TECRL: variants seen among roughly 807,000 people sequenced by gnomAD.
TECRL encodes the protein trans-2,3-enoyl-CoA reductase-like.
Under a neutral mutation model 52.8 loss-of-function variants are expected in TECRL, and 63 were observed. That is an observed-to-expected ratio of 1.19 (90% CI 0.97 to 1.47). The LOEUF is 1.47. Among genes scored for constraint, TECRL ranks in the 40% most tolerant of loss-of-function variants. The pLI is 0.00. For missense variants in TECRL, 482 were observed against 429.6 expected (o/e 1.12, Z -1.08); for synonymous variants, 164 against 141.9 (o/e 1.16, Z -1.10).
chr4:64,372,742 T>C (rs1722063683), intron 2 of TECRL, among the ~76,000 whole-genome samples: 1 of 151,564 alleles, frequency 6.6e-6, no homozygotes, highest in Non-Finnish European at 1.5e-5. Context: ...TAATGTCTTC[T>C]GATAACATAT....
At chr4:64,399,214 G>C (rs991112924) in intron 1 of TECRL, among the ~76,000 whole-genome samples, 1 of 152,048 alleles carries the variant, frequency 6.6e-6, no homozygotes, top group Admixed American at 6.6e-5. Flanking sequence ...GGACACCTCT[G>C]GTTGTGGAAT....
intron 5 of TECRL, among the ~76,000 whole-genome samples, chr4:64,312,789 T>G (rs1344367554): frequency 6.6e-6 from 1 of 151,046 alleles, no homozygotes; most frequent in African/African-American, 2.4e-5. Context: ...AATGTAAATA[T>G]GAGTCAATTC....
chr4:64,385,147 C>T (rs1056388124), intron 1 of TECRL, among the ~76,000 whole-genome samples: 2 of 152,102 alleles, frequency 1.3e-5, no homozygotes, highest in Non-Finnish European at 2.9e-5. Context: ...GCTGGTGGCT[C>T]TGGTGACCAG....
At chr4:64,296,513 T>C (rs1723690484) in intron 8 of TECRL, among the ~76,000 whole-genome samples, 1 of 151,800 alleles carries the variant, frequency 6.6e-6, no homozygotes, top group Non-Finnish European at 1.5e-5. Flanking sequence ...GTAAGCCATA[T>C]CTTATATGCT....
At chr4:64,305,375 T>C in intron 6 of TECRL, 137 bp from the exon 7 acceptor site, 1 of 668,422 alleles carries the variant, frequency 1.5e-6, no homozygotes, top group Non-Finnish European at 2.5e-6. Context: ...GCAGCATTTA[T>C]ATGTAAAATG....
At chr4:64,342,040 A>G (rs1359315218) in intron 2 of TECRL, among the ~76,000 whole-genome samples, 1 of 152,122 alleles carries the variant, frequency 6.6e-6, no homozygotes, top group Non-Finnish European at 1.5e-5. Context: ...GAGTGGGCAG[A>G]ATGAGCCCAG....
chr4:64,307,599 T>G (rs2109992664), intron 6 of TECRL, among the ~76,000 whole-genome samples: 1 of 152,266 alleles, frequency 6.6e-6, no homozygotes, highest in Admixed American at 6.5e-5. Context: ...ACAATCCATC[T>G]TCAGCCTGCA....
At chr4:64,291,535 TAA>T (rs925682418) in intron 8 of TECRL, among the ~76,000 whole-genome samples, 3 of 151,906 alleles carry the variant, frequency 2.0e-5, no homozygotes, top group Non-Finnish European at 2.9e-5. Flanking sequence ...TGTGAAAAAA[TAA>T]GTTTTAGAAA....
Position 64,406,285 on chromosome 4 carries a change from C to G in TECRL, c.234+2833G>C, listed in dbSNP as rs187590363. ...GAATATTTTGAGTCTATACTTTGTC[C>G]ATTTTAAAGTTTGAGTAATAGACAT... is the stretch of plus-strand genomic sequence containing the variant. On this transcript the variant is annotated intron_variant, in intron 1 of 11. Coordinates refer to ENST00000381210, the MANE Select transcript of TECRL (RefSeq NM_001010874.5). Among the ~76,000 whole-genome samples, 536 of 151,596 alleles carry G rather than the reference C, an allele frequency of 3.5e-3. 5 individuals carry two copies. Among genetic ancestry groups the G allele is most frequent in the African/African-American group, 0.012 (503 of 41,404 alleles).
chr4:64,380,659 G>T (rs1722725255), intron 1 of TECRL, among the ~76,000 whole-genome samples: 1 of 151,934 alleles, frequency 6.6e-6, no homozygotes, highest in Admixed American at 6.6e-5. Flanking sequence ...TAAAGAAGTT[G>T]TCTTTTCTTC....
intron 2 of TECRL, among the ~76,000 whole-genome samples, chr4:64,356,702 G>T (rs569847812): frequency 2.2e-4 from 34 of 152,188 alleles, no homozygotes; most frequent in African/African-American, 7.5e-4. Context: ...AAAAACTGAG[G>T]GAACTCAGAG....
intron 5 of TECRL, among the ~76,000 whole-genome samples, chr4:64,312,696 A>C (rs1277209314): frequency 1.3e-5 from 2 of 151,240 alleles, no homozygotes; most frequent in Non-Finnish European, 2.9e-5. Flanking sequence ...AGCCCTGAAG[A>C]GTGAGGCTGC....
At position 64,324,633 on chromosome 4, in the gene TECRL, A is replaced by C. The variant is rs189450448; in HGVS notation, c.332-1841T>G. Among the ~76,000 whole-genome samples, 234 of 152,258 alleles carry C rather than the reference A, an allele frequency of 1.5e-3. 1 individual carries two copies. The highest frequency in any genetic ancestry group is 5.4e-3 in the African/African-American group (226 of 41,570). On this transcript the variant is annotated intron_variant, in intron 3 of 11. Coordinates refer to ENST00000381210, the MANE Select transcript of TECRL (RefSeq NM_001010874.5). ...TATTACATTTGAAGGCAGAAATTTG[A>C]TAAATCCACTTTTAACAGCCAGATA...
At chr4:64,404,238 A>T (rs1578004517) in intron 1 of TECRL, among the ~76,000 whole-genome samples, 1 of 149,290 alleles carries the variant, frequency 6.7e-6, no homozygotes, top group African/African-American at 2.5e-5. Context: ...AAAAAAAAAC[A>T]ATAGGAGAAA....
At chr4:64,290,515 A>C (rs1723320782) in intron 8 of TECRL, among the ~76,000 whole-genome samples, 1 of 152,158 alleles carries the variant, frequency 6.6e-6, no homozygotes, top group African/African-American at 2.4e-5. Flanking sequence ...TTATTGTTTG[A>C]AGTCATTCAA....
intron 2 of TECRL, among the ~76,000 whole-genome samples, chr4:64,339,413 C>G (rs952195341): frequency 2.6e-5 from 4 of 151,912 alleles, no homozygotes; most frequent in African/African-American, 9.7e-5. Flanking sequence ...GCATGTTTTG[C>G]ACATGTACCC....
chr4:64,314,024 C>T (rs1462825656), intron 5 of TECRL, among the ~76,000 whole-genome samples: 1 of 148,732 alleles, frequency 6.7e-6, no homozygotes, highest in Non-Finnish European at 1.5e-5. Flanking sequence ...GTGGCAAGCA[C>T]CTGTAGTCCC....
At chr4:64,346,445 A>T (rs1719994288) in intron 2 of TECRL, among the ~76,000 whole-genome samples, 1 of 152,310 alleles carries the variant, frequency 6.6e-6, no homozygotes, top group African/African-American at 2.4e-5. Flanking sequence ...CTCCTCTGAA[A>T]TCTAGGTGGA....
chr4:64,400,656 A>G (rs1225735823), intron 1 of TECRL, among the ~76,000 whole-genome samples: 1 of 152,080 alleles, frequency 6.6e-6, no homozygotes, highest in Admixed American at 6.6e-5. Context: ...TTCTCTTGGC[A>G]CTGTCCTCTT....
Sources: gnomAD v4.1 joint callset for allele counts (sites outside exome capture counted in the v4.1 genomes callset) on GRCh38, gnomAD v4.1.1 for gene constraint, MANE v1.5 for transcripts, NCBI Gene and HGNC (gene_info 2026-07-23, HGNC 2026-07-21) for gene names.